GAK: variants seen among roughly 807,000 people sequenced by gnomAD.
GAK encodes cyclin G associated kinase.
In GAK, 79 loss-of-function variants were observed where a neutral mutation model predicts 143.9. The observed-to-expected ratio is 0.55, with a 90% CI of 0.46 to 0.66. GAK has a LOEUF of 0.66. Among genes scored for constraint, GAK ranks in the 30% least tolerant of loss-of-function variants. The probability of loss-of-function intolerance (pLI) is 0.00; values close to 1 mark genes in which losing one functional copy is unlikely to be tolerated. For missense variants in GAK, 1,693 were observed against 1,779.7 expected (o/e 0.95, Z 0.88); for synonymous variants, 881 against 765.5 (o/e 1.15, Z -2.49).
rs1577201548 is a variant in GAK at position 893,491 on chromosome 4, TGCA to T, written c.878-5_878-3del. On this transcript the variant is annotated splice_region_variant and splice_polypyrimidine_tract_variant and intron_variant, in intron 8 of 27. Coordinates refer to ENST00000314167, the MANE Select transcript of GAK (RefSeq NM_005255.4). ...CCGGGTTCACCTGCAGCATGGCGCC[TGCA>T]GCAGAAGCACAGCGCGCTCGGCCCC... The T allele has an allele frequency of 1.3e-6, 2 of 1,563,006 alleles. No individual in the cohort carries two copies. The highest frequency in any genetic ancestry group is 1.7e-6 in the Non-Finnish European group (2 of 1,157,710).
chr4:869,776 GCA>G (rs1470363236), intron 19 of GAK: 5 of 136,830 alleles, frequency 3.7e-5, no homozygotes, highest in South Asian at 2.4e-4. Context: ...ACACACGAAT[GCA>G]CACACAGCAG....
intron 1 of GAK, among the ~76,000 whole-genome samples, chr4:930,243 T>G (rs1725441113): frequency 6.6e-6 from 1 of 152,182 alleles, no homozygotes; most frequent in Non-Finnish European, 1.5e-5. Context: ...GGCTTCAAAG[T>G]ACTTAGGAGG....
At chr4:850,913 G>A (rs760609467) in intron 26 of GAK, 23 bp downstream of exon 26, 5 of 1,607,166 alleles carry the variant, frequency 3.1e-6, no homozygotes, top group Non-Finnish European at 4.3e-6. Context: ...TGGGCTCCCA[G>A]GAAGAGCTGC....
chr4:929,803 G>C (rs1379767084), intron 1 of GAK, among the ~76,000 whole-genome samples: 2 of 152,178 alleles, frequency 1.3e-5, no homozygotes, highest in South Asian at 2.1e-4. Context: ...TAAAAGCTAT[G>C]AAAACCATTT....
intron 23 of GAK, among the ~76,000 whole-genome samples, chr4:861,093 A>G (rs1022596998): frequency 1.3e-5 from 2 of 152,078 alleles, no homozygotes; most frequent in Non-Finnish European, 2.9e-5. Context: ...AACTGACAAC[A>G]CGCTGTGGCT....
At chr4:911,984 T>C (rs984459618) in intron 3 of GAK, 197 bp from the exon 4 acceptor site, 10 of 523,330 alleles carry the variant, frequency 1.9e-5, no homozygotes, top group Non-Finnish European at 2.9e-5. Flanking sequence ...CAGGAGGAGC[T>C]GCAGGAGAGG....
At chr4:856,851 C>A (rs573812936) in intron 24 of GAK, among the ~76,000 whole-genome samples, 3 of 152,350 alleles carry the variant, frequency 2.0e-5, no homozygotes, top group African/African-American at 4.8e-5. Context: ...ACTGGGGTTA[C>A]GGTGTGAGCC....
intron 1 of GAK, among the ~76,000 whole-genome samples, chr4:918,528 A>G (rs1723407255): frequency 1.3e-5 from 2 of 152,284 alleles, no homozygotes; most frequent in South Asian, 4.1e-4. Context: ...GACAGATTAC[A>G]TTCTGAAAAA....
In GAK at chr4:855,820, T is replaced by C. The variant is rs1395139350; in HGVS notation, c.3283+3786A>G. 9.2e-5 allele frequency among the ~76,000 whole-genome samples: 14 copies of C among 152,280 alleles called. No homozygotes were observed. In the East Asian group the frequency reaches 2.5e-3, roughly 27 times the overall value. ...AAATACAAAAATTAGCTGGGCATGG[T>C]GGTGCATGCCTGTAATCCCAGCTAC... On this transcript the variant is annotated intron_variant, in intron 24 of 27. Coordinates refer to ENST00000314167, the MANE Select transcript of GAK (RefSeq NM_005255.4).
Position 907,510 on chromosome 4 carries a change from C to T in GAK, c.383-2731G>A, listed in dbSNP as rs370637370. On this transcript the variant is annotated intron_variant, in intron 4 of 27. Transcript: ENST00000314167. ...CTCTACGCTGGCCATCATGGATGGG[C>T]GAGTCTGTTTCAGTGGTAACTGGGC... 3.9e-5 allele frequency among the ~76,000 whole-genome samples: 6 copies of T among 152,290 alleles called. No homozygotes were observed. In the East Asian group the frequency reaches 5.8e-4, roughly 15 times the overall value.
intron 1 of GAK, among the ~76,000 whole-genome samples, chr4:929,828 T>G (rs1394773326): frequency 6.6e-6 from 1 of 152,212 alleles, no homozygotes; most frequent in Non-Finnish European, 1.5e-5. Flanking sequence ...CTAACTCACT[T>G]GACAGCAAAT....
At chr4:890,503 AGGTGGC>A in intron 10 of GAK, 23 bp downstream of exon 10, 1 of 1,542,202 alleles carries the variant, frequency 6.5e-7, no homozygotes, top group African/African-American at 1.4e-5. Flanking sequence ...AGCGAGGGAC[AGGTGGC>A]GGGCACAGGA....
chr4:893,824 G>T, intron 8 of GAK, 50 bp downstream of exon 8: 4 of 1,518,964 alleles, frequency 2.6e-6, no homozygotes, highest in Non-Finnish European at 3.5e-6. Flanking sequence ...AGCCACGCGG[G>T]GTCTGTGCTC....
At chr4:860,665 G>A (rs975070003) in intron 23 of GAK, among the ~76,000 whole-genome samples, 1 of 152,136 alleles carries the variant, frequency 6.6e-6, no homozygotes, top group African/African-American at 2.4e-5. Flanking sequence ...GCACTTGAGG[G>A]GACGGGCACC....
At chr4:901,168 G>A (rs1022403842) in intron 5 of GAK, among the ~76,000 whole-genome samples, 1 of 152,254 alleles carries the variant, frequency 6.6e-6, no homozygotes, top group Non-Finnish European at 1.5e-5. Flanking sequence ...CCAGAGCCTT[G>A]GCCCTGGGTG....
intron 1 of GAK, among the ~76,000 whole-genome samples, chr4:924,157 C>A (rs1488521595): frequency 7.2e-6 from 1 of 139,146 alleles, no homozygotes; most frequent in Admixed American, 7.6e-5. Context: ...TGCACTCCAG[C>A]CTGGGCAAGA....
At chr4:901,384 G>A (rs1719849459) in intron 5 of GAK, among the ~76,000 whole-genome samples, 1 of 152,184 alleles carries the variant, frequency 6.6e-6, no homozygotes, top group Admixed American at 6.5e-5. Flanking sequence ...TCCCACCCGG[G>A]GCACACGTGG....
At chr4:857,961 T>A (rs1749587486) in intron 24 of GAK, among the ~76,000 whole-genome samples, 1 of 152,122 alleles carries the variant, frequency 6.6e-6, no homozygotes, top group South Asian at 2.1e-4. Flanking sequence ...TTCACTCAGC[T>A]CCACGCATCG....
At chr4:852,155 A>C (rs1045482317) in intron 24 of GAK, 181 bp from the exon 25 acceptor site, 2 of 641,620 alleles carry the variant, frequency 3.1e-6, no homozygotes, top group African/African-American at 3.6e-5. Context: ...CAGGGGCTGG[A>C]GCACAGGCCA....
Sources: allele counts gnomAD v4.1 joint callset (sites outside exome capture counted in the v4.1 genomes callset), GRCh38; gene constraint gnomAD v4.1.1; transcripts MANE v1.5; gene names NCBI Gene and HGNC (gene_info 2026-07-23, HGNC 2026-07-21).